Variants in SLC25A16 observed in about 807,000 individuals in gnomAD.
SLC25A16 encodes mitochondrial coenzyme A transporter SLC25A16.
SLC25A16 carries 39 observed loss-of-function variants against 41.5 expected under a neutral mutation model. The ratio of observed to expected loss-of-function variants is 0.94; its 90% CI spans 0.73 to 1.23. The LOEUF (loss-of-function observed/expected upper bound fraction) is 1.23, where lower values mean the gene tolerates loss of function less well. Among genes scored for constraint, SLC25A16 ranks in the 50% most tolerant of loss-of-function variants. The pLI is 0.00. For missense variants in SLC25A16, 421 were observed against 426.9 expected, an observed-to-expected ratio of 0.99 and a Z score of 0.12; for synonymous variants, 146 against 147.8, an observed-to-expected ratio of 0.99 and a Z score of 0.09.
intron 8 of SLC25A16, among the ~76,000 whole-genome samples, chr10:68,486,466 C>T (rs544732174): frequency 5.9e-5 from 9 of 151,360 alleles, no homozygotes; most frequent in Non-Finnish European, 8.8e-5. Context: ...CTCACTCTGT[C>T]GCCAAATTGG....
chr10:68,516,676 A>G, intron 2 of SLC25A16, 75 bp downstream of exon 2: 1 of 1,069,224 alleles, frequency 9.4e-7, no homozygotes, highest in Admixed American at 2.5e-5. Context: ...TTACACCCCC[A>G]AACTTAAATT....
intron 8 of SLC25A16, among the ~76,000 whole-genome samples, chr10:68,484,651 T>A (rs926597617): frequency 1.3e-5 from 2 of 151,882 alleles, no homozygotes; most frequent in Non-Finnish European, 2.9e-5. Context: ...GGTCTTACAA[T>A]GTTTTCCAAG....
At chr10:68,524,628 G>A (rs1345599954) in intron 1 of SLC25A16, among the ~76,000 whole-genome samples, 1 of 147,926 alleles carries the variant, frequency 6.8e-6, no homozygotes, top group Admixed American at 6.9e-5. Context: ...AGAATCGCTT[G>A]AACCAGGCGG....
chr10:68,513,204 A>G (rs1359898336), intron 2 of SLC25A16, among the ~76,000 whole-genome samples: 3 of 151,742 alleles, frequency 2.0e-5, no homozygotes. Context: ...AATAAAAAAT[A>G]AGAAACCAGC....
intron 2 of SLC25A16, among the ~76,000 whole-genome samples, chr10:68,509,881 A>C (rs2053030763): frequency 6.6e-6 from 1 of 151,832 alleles, no homozygotes; most frequent in Non-Finnish European, 1.5e-5. Context: ...TCACGAAGTC[A>C]GGAGTTCGAG....
At chr10:68,486,356 A>G (rs188508509) in intron 8 of SLC25A16, among the ~76,000 whole-genome samples, 49 of 151,976 alleles carry the variant, frequency 3.2e-4, no homozygotes, top group Non-Finnish European at 6.3e-4. Context: ...TGGCCCCCCA[A>G]ATTGCTCGGA....
At chr10:68,511,136 GCT>G (rs2053056399) in intron 2 of SLC25A16, among the ~76,000 whole-genome samples, 1 of 151,980 alleles carries the variant, frequency 6.6e-6, no homozygotes, top group African/African-American at 2.4e-5. Context: ...TACTCGAGAG[GCT>G]GAGGCAGGAG....
intron 3 of SLC25A16, among the ~76,000 whole-genome samples, chr10:68,504,100 A>G (rs1427137546): frequency 7.6e-6 from 1 of 131,944 alleles, no homozygotes; most frequent in Non-Finnish European, 1.5e-5. Flanking sequence ...ATCTCGGCTC[A>G]CTGCAACCTA....
chr10:68,501,496 CAA>C (rs911528868), intron 4 of SLC25A16, among the ~76,000 whole-genome samples: 1 of 60,962 alleles, frequency 1.6e-5, no homozygotes, highest in African/African-American at 6.6e-5. Context: ...CAAACAAAAA[CAA>C]AAAAAAAAGG....
chr10:68,485,229 A>G (rs10823212), intron 8 of SLC25A16, among the ~76,000 whole-genome samples: 15,724 of 151,616 alleles, frequency 0.1, 1,551 homozygotes, highest in African/African-American at 0.26. Flanking sequence ...ATCTGGGACT[A>G]CAGGCGCACA....
intron 1 of SLC25A16, among the ~76,000 whole-genome samples, chr10:68,523,476 CA>C (rs1464838784): frequency 5.6e-4 from 85 of 151,762 alleles, no homozygotes; most frequent in African/African-American, 1.9e-3. Context: ...GAATAAATGT[CA>C]TTTTTTTTTA....
At chr10:68,502,125 G>GTT (rs1400702467) in intron 4 of SLC25A16, among the ~76,000 whole-genome samples, 1 of 13,632 alleles carries the variant, frequency 7.3e-5, no homozygotes, top group Non-Finnish European at 3.7e-4. Flanking sequence ...AACCTGGGAG[G>GTT]CAGAGGTTGC....
intron 1 of SLC25A16, among the ~76,000 whole-genome samples, chr10:68,522,858 C>A (rs2053271394): frequency 1.3e-5 from 2 of 150,828 alleles, no homozygotes; most frequent in South Asian, 4.2e-4. Flanking sequence ...AGTGGTGGCA[C>A]CCACCGGTAG....
At chr10:68,525,022 G>C (rs889718743) in intron 1 of SLC25A16, among the ~76,000 whole-genome samples, 1 of 152,054 alleles carries the variant, frequency 6.6e-6, no homozygotes, top group Admixed American at 6.6e-5. Flanking sequence ...ACTCCTGCCT[G>C]GGTGAGGGAG....
intron 5 of SLC25A16, 89 bp downstream of exon 5, chr10:68,493,359 AG>A (rs2052694002): frequency 3.3e-6 from 4 of 1,226,368 alleles, no homozygotes; most frequent in Non-Finnish European, 4.7e-6. Context: ...AATAATTATA[AG>A]TAAAAGAATA....
intron 3 of SLC25A16, among the ~76,000 whole-genome samples, chr10:68,504,434 T>G (rs1165976679): frequency 1.5e-5 from 2 of 137,522 alleles, no homozygotes; most frequent in Non-Finnish European, 3.1e-5. Flanking sequence ...GCTGCTTGTG[T>G]TTTTTTTGTT....
intron 8 of SLC25A16, among the ~76,000 whole-genome samples, chr10:68,486,475 G>A (rs546774497): frequency 1.3e-5 from 2 of 151,116 alleles, no homozygotes; most frequent in African/African-American, 4.8e-5. Context: ...TCGCCAAATT[G>A]GCTCACTGCA....
intron 1 of SLC25A16, among the ~76,000 whole-genome samples, chr10:68,524,330 A>AAAAAG (rs1417223553): frequency 2.2e-5 from 3 of 134,136 alleles, no homozygotes; most frequent in Non-Finnish European, 3.2e-5. Flanking sequence ...AAAAAAAAAA[A>AAAAAG]AGAGAGATCG....
At chr10:68,499,582 G>T (rs1366076411) in intron 4 of SLC25A16, 1 of 286,096 alleles carries the variant, frequency 3.5e-6, no homozygotes, top group Non-Finnish European at 7.0e-6. Flanking sequence ...AACGCAAAAG[G>T]CGTTTCAATG....
Sources: allele counts gnomAD v4.1 joint callset (sites outside exome capture counted in the v4.1 genomes callset), GRCh38; gene constraint gnomAD v4.1.1; transcripts MANE v1.5; gene names NCBI Gene and HGNC (gene_info 2026-07-23, HGNC 2026-07-21).